SENP3: variants seen among roughly 807,000 people sequenced by gnomAD.
SENP3 encodes sentrin-specific protease 3.
Under a neutral mutation model 66.2 loss-of-function variants are expected in SENP3, and 11 were observed. The observed-to-expected ratio is 0.17, with a 90% CI of 0.10 to 0.28. SENP3 has a LOEUF of 0.28. Among genes scored for constraint, SENP3 ranks in the 10% least tolerant of loss-of-function variants. SENP3 has a pLI of 1.00. For missense variants in SENP3, 548 were observed against 743.7 expected (o/e 0.74, Z 3.06); for synonymous variants, 292 against 277.6 (o/e 1.05, Z -0.52).
rs183855978 is a variant in SENP3, at chr17:7,562,418, G to C, written c.-12+155G>C. Among the ~76,000 whole-genome samples, 2,016 of 152,350 alleles carry C rather than the reference G, an allele frequency of 0.013. 22 individuals are homozygous for C. Among genetic ancestry groups the C allele is most frequent in the Non-Finnish European group, 0.022 (1,507 of 68,022 alleles). On this transcript the variant is annotated intron_variant, in intron 1 of 10. Transcript: ENST00000321337. The surrounding 1 kb of genome is among the most constrained non-coding windows in gnomAD (Gnocchi z 5.0). The stretch of plus-strand genomic sequence containing the variant: ...AAGCTCGTGGGACCGGACTGGTGCC[G>C]GGTTGCATTCTGGTCCCCGAGGATG...
chr17:7,571,874 T>TAA lies in SENP3; in HGVS notation c.*392_*393insAA, dbSNP rs2071323688. 1 of 9,998 alleles carries TAA rather than the reference T, an allele frequency of 1.0e-4. No homozygotes were observed. The highest frequency in any genetic ancestry group is 1.8e-3 in the East Asian group (1 of 566). 0.6% of individuals were successfully genotyped at this position (9,998 alleles called of 1,614,324 possible). A position where few individuals can be genotyped will look rare whatever the true frequency, so the allele number is the denominator to read the frequency against. ...ATATATATATATATATATATATATA[T>TAA]ATATATATATATATATATATATATA... is the stretch of plus-strand genomic sequence containing the variant. On this transcript the variant is annotated 3_prime_UTR_variant, in exon 11 of 11. Coordinates refer to ENST00000321337, the MANE Select transcript of SENP3 (RefSeq NM_015670.6).
At chr17:7,564,474 C>T (rs1178064758) in intron 2 of SENP3, 151 bp from the exon 3 acceptor site, 1 of 1,122,098 alleles carries the variant, frequency 8.9e-7, no homozygotes, top group African/African-American at 1.5e-5. Flanking sequence ...TATGGGGTCC[C>T]CATTTCTTGG....
In SENP3 at chr17:7,563,406, G is replaced by GCGGCCCCC; in HGVS notation, c.331_332insGGCCCCCC (p.Pro111ArgfsTer23). The GCGGCCCCC allele has an allele frequency of 2.6e-6, 4 of 1,547,520 alleles. No homozygotes were observed. The highest frequency in any genetic ancestry group is 1.2e-5 in the South Asian group (1 of 83,986). On this transcript the variant is annotated frameshift_variant, in exon 2 of 11. Transcript: ENST00000321337. LOFTEE classifies it high-confidence loss of function. ...GGAGTCAGCTGGGAACCTCCCAGCG[G>GCGGCCCCC]CCCCGCCCTTCCCGCCCCACTCATC... is the stretch of plus-strand genomic sequence containing the variant.
chr17:7,570,861 C>T lies in SENP3; in HGVS notation c.1564-22C>T. 2 of 1,611,754 alleles carry T rather than the reference C, an allele frequency of 1.2e-6. No individual in the cohort carries two copies. Among genetic ancestry groups the T allele is most frequent in the Non-Finnish European group, 1.7e-6 (2 of 1,178,820 alleles). ...CCCTGGGAGTCTCCATGTGAAGGGC[C>T]TGCTTTCTTTCTCTTCTCTAGAATG... is the stretch of plus-strand genomic sequence containing the variant. On this transcript the variant is annotated intron_variant, in intron 9 of 10. Coordinates refer to ENST00000321337, the MANE Select transcript of SENP3 (RefSeq NM_015670.6). This position sits in a 1 kb window ranked among gnomAD's most constrained non-coding sequence, Gnocchi z 5.4.
rs2071328340 is a variant in SENP3 at position 7,571,910 on chromosome 17, A to ATAAATAT, written c.*427_*428insTAAATAT. 1.6e-4 allele frequency: 4 copies of ATAAATAT among 25,304 alleles called. 1 individual carries two copies. Among genetic ancestry groups the ATAAATAT allele is most frequent in the African/African-American group, 4.5e-4 (2 of 4,458 alleles). The allele number at this position is 25,304 out of a possible 1,614,324, so 1.6% of individuals were successfully genotyped here. ...ATATATATATATATATATATATATAAAAATATATAAATGCCACGGTCCTGC... is the reference window on the plus strand; with the variant it reads ...ATATATATATATATATATATATATAATAAATATAAATATATAAATGCCACGGTCCTGC... On this transcript the variant is annotated 3_prime_UTR_variant, in exon 11 of 11. Transcript: ENST00000321337.
Position 7,565,774 on chromosome 17 carries a change from A to C in SENP3, c.1263+10A>C, listed in dbSNP as rs1187865257. On this transcript the variant is annotated intron_variant, in intron 6 of 10. Transcript: ENST00000321337. ...CACAGTCCCTGAAAAGGTAGGCCCA[A>C]CCAGATAGGTCAGTACCCAGAGGAA... 6.2e-7 allele frequency: 1 copy of C among 1,613,662 alleles called. No homozygotes were observed.
intron 7 of SENP3, among the ~76,000 whole-genome samples, chr17:7,568,730 C>T (rs531394744): frequency 1.3e-5 from 2 of 152,122 alleles, no homozygotes; most frequent in Non-Finnish European, 2.9e-5. Context: ...TTTGTACTAC[C>T]CTTTGTTAAT....
At chr17:7,564,358 C>T (rs1215981131) in intron 2 of SENP3, 6 of 605,810 alleles carry the variant, frequency 9.9e-6, no homozygotes, top group Admixed American at 9.2e-5. Context: ...ACAAATATCC[C>T]GAAGTTTTCA....
At position 7,571,881 on chromosome 17, in the gene SENP3, ATATATATATATATATATATATATAT is replaced by A. The variant is rs2071324810; in HGVS notation, c.*399_*423del. On this transcript the variant is annotated 3_prime_UTR_variant, in exon 11 of 11. Transcript: ENST00000321337. ...TATATATATATATATATATATATAT[ATATATATATATATATATATATATAT>A]ATAAAAATATATAAATGCCACGGTC... The A allele has an allele frequency of 1.6e-4, 2 of 12,836 alleles. No homozygotes were observed. Among genetic ancestry groups the A allele is most frequent in the Non-Finnish European group, 1.8e-4 (1 of 5,506 alleles). The allele number at this position is 12,836 out of a possible 1,614,324, so 0.8% of individuals were successfully genotyped here.
intron 7 of SENP3, among the ~76,000 whole-genome samples, chr17:7,568,607 C>T (rs1423108234): frequency 2.0e-5 from 3 of 151,980 alleles, no homozygotes; most frequent in African/African-American, 4.8e-5. Flanking sequence ...AAAAAAAACC[C>T]GAGAGGAGGA....
rs369738340 is a variant in SENP3, at chr17:7,565,500, G to A, written c.1128G>A (p.Val376=). 1.1e-4 allele frequency: 176 copies of A among 1,613,772 alleles called. No individual in the cohort carries two copies. The highest frequency in any genetic ancestry group is 1.4e-4 in the Non-Finnish European group (166 of 1,179,860). Reference sequence around the variant, plus strand: ...AGCGGATGCCAGGCAATGCCATGGTGAGGGGCTTCCGAGTGGCTTATAAGC... The same window carrying A: ...AGCGGATGCCAGGCAATGCCATGGTAAGGGGCTTCCGAGTGGCTTATAAGC... ...SYQRMPGNAM[V]RGFRVAYKRH... Residue 376 remains valine, a synonymous_variant, in exon 5 of 11, where the codon GTG becomes GTA. Coordinates refer to ENST00000321337, the MANE Select transcript of SENP3 (RefSeq NM_015670.6).
In SENP3 at chr17:7,564,936, C is replaced by T. The variant is rs748064341; in HGVS notation, c.956-23C>T. ...AGAGGAGAGTCTGGAGGCCTCACCC[C>T]CTCCTCTCTCCCTTTCCACCAGGCA... On this transcript the variant is annotated intron_variant, in intron 3 of 10. Transcript: ENST00000321337. The T allele has an allele frequency of 3.1e-6, 5 of 1,610,696 alleles. No individual in the cohort carries two copies. In the South Asian group the frequency reaches 3.3e-5, roughly 11 times the overall value.
rs1185855399 is a variant in SENP3 at position 7,571,862 on chromosome 17, T to G, written c.*379T>G. ...TTATATATATATATATATATATATA[T>G]ATATATATATATATATATATATATA... is the stretch of plus-strand genomic sequence containing the variant. On this transcript the variant is annotated 3_prime_UTR_variant, in exon 11 of 11. Transcript: ENST00000321337. 4.6e-3 allele frequency: 19 copies of G among 4,132 alleles called. 2 individuals carry two copies. Among genetic ancestry groups the G allele is most frequent in the African/African-American group, 0.014 (18 of 1,278 alleles). 0.3% of individuals were successfully genotyped at this position (4,132 alleles called of 1,614,324 possible). A position where few individuals can be genotyped will look rare whatever the true frequency, so the allele number is the denominator to read the frequency against.
At chr17:7,567,723 G>T (rs2071279016) in intron 7 of SENP3, among the ~76,000 whole-genome samples, 3 of 152,142 alleles carry the variant, frequency 2.0e-5, no homozygotes, top group Admixed American at 2.0e-4. Flanking sequence ...TGTGTAGTTG[G>T]CGCAGAGTGA....
rs2071327897 is a variant in SENP3, at chr17:7,571,906, TATAAAA to T, written c.*427_*432del. On this transcript the variant is annotated 3_prime_UTR_variant, in exon 11 of 11. Transcript: ENST00000321337. ...ATATATATATATATATATATATATATATAAAAATATATAAATGCCACGGTCCTGCTC... is the reference window on the plus strand; with the variant it reads ...ATATATATATATATATATATATATATATATATAAATGCCACGGTCCTGCTC... 1.1e-4 allele frequency: 1 copy of T among 9,312 alleles called. No homozygotes were observed. Among genetic ancestry groups the T allele is most frequent in the Non-Finnish European group, 3.5e-4 (1 of 2,824 alleles). The allele number at this position is 9,312 out of a possible 1,614,324, so 0.6% of individuals were successfully genotyped here.
chr17:7,565,699 C>T lies in SENP3; in HGVS notation c.1216-18C>T. The T allele has an allele frequency of 1.2e-6, 2 of 1,613,936 alleles. No individual in the cohort carries two copies. The highest frequency in any genetic ancestry group is 1.7e-6 in the Non-Finnish European group (2 of 1,179,840). ...TGCCGCACCCTCCATGGCAAGCTGC[C>T]TCCCATCTTCTCCCCAGGTGATGAA... On this transcript the variant is annotated intron_variant, in intron 5 of 10. Coordinates refer to ENST00000321337, the MANE Select transcript of SENP3 (RefSeq NM_015670.6).
At chr17:7,564,484 G>C in intron 2 of SENP3, 141 bp from the exon 3 acceptor site, 3 of 1,223,218 alleles carry the variant, frequency 2.5e-6, no homozygotes, top group Non-Finnish European at 3.5e-6. Flanking sequence ...CCATTTCTTG[G>C]AGTGGGATTG....
chr17:7,564,961 A>G lies in SENP3; in HGVS notation c.958A>G (p.Ile320Val), dbSNP rs376425137. ...CCTCCTCTCTCCCTTTCCACCAGGC[A>G]TCTTGGACGAATTCCTTCAAACGTA... Reference protein sequence around the residue: ...REEHVTCVQSILDEFLQTYGS... With the variant: ...REEHVTCVQSVLDEFLQTYGS... Residue 320 changes from isoleucine (I) to valine (V), a missense_variant and splice_region_variant, in exon 4 of 11, where the codon ATC becomes GTC. Ile to Val is a conservative substitution (Grantham distance 29). Transcript: ENST00000321337. 9 of 1,612,352 alleles carry G rather than the reference A, an allele frequency of 5.6e-6. No individual in the cohort carries two copies. Among genetic ancestry groups the G allele is most frequent in the African/African-American group, 1.3e-5 (1 of 74,888 alleles).
In SENP3 at chr17:7,565,449, G is replaced by A; in HGVS notation, c.1077G>A (p.Leu359=). Residue 359 remains leucine, a synonymous_variant, in exon 5 of 11, where the codon CTG becomes CTA. Coordinates refer to ENST00000321337, the MANE Select transcript of SENP3 (RefSeq NM_015670.6). The part of the protein sequence containing the change: ...QEFSTPSRKG[L]VLQLIQSYQR... ...CCCTTGGCCTACTCAGGAAGGGCCTGGTGTTGCAGCTGATCCAGTCTTACC... is the reference window on the plus strand; with the variant it reads ...CCCTTGGCCTACTCAGGAAGGGCCTAGTGTTGCAGCTGATCCAGTCTTACC... 1 of 1,613,732 alleles carries A rather than the reference G, an allele frequency of 6.2e-7. No homozygotes were observed. The highest frequency in any genetic ancestry group is 8.5e-7 in the Non-Finnish European group (1 of 1,179,798).
Sources: allele counts gnomAD v4.1 joint callset (sites outside exome capture counted in the v4.1 genomes callset), GRCh38; gene constraint gnomAD v4.1.1; non-coding constraint Gnocchi (gnomAD v3.1); transcripts MANE v1.5; gene names NCBI Gene and HGNC (gene_info 2026-07-23, HGNC 2026-07-21).